Variants in CEMIP2 observed in about 807,000 individuals in gnomAD.
CEMIP2 encodes cell surface hyaluronidase CEMIP2.
A neutral mutation model predicts 146.9 loss-of-function variants in CEMIP2; 79 were observed. That is an observed-to-expected ratio of 0.54 (90% CI 0.45 to 0.65). The LOEUF (loss-of-function observed/expected upper bound fraction) is 0.65, where lower values mean the gene tolerates loss of function less well. CEMIP2 is among the 30% of genes least tolerant of loss of function. The pLI is 0.00. For synonymous variants in CEMIP2, 601 were observed against 606.3 expected, an observed-to-expected ratio of 0.99 and a Z score of 0.13; for missense variants, 1,596 against 1,696.2, an observed-to-expected ratio of 0.94 and a Z score of 1.04.
At position 71,715,096 on chromosome 9, in the gene CEMIP2, A is replaced by C; in HGVS notation, c.2436-7T>G. ...ACTTGGGAAGCTTCCATCACTGTTA[A>C]AATGCGAACAATCATTAGCTACATT... On this transcript the variant is annotated splice_region_variant and splice_polypyrimidine_tract_variant and intron_variant, in intron 14 of 23. Transcript: ENST00000377044. 1 of 1,612,890 alleles carries C rather than the reference A, an allele frequency of 6.2e-7. No homozygotes were observed. Among genetic ancestry groups the C allele is most frequent in the Non-Finnish European group, 8.5e-7 (1 of 1,179,562 alleles).
At position 71,750,205 on chromosome 9, in the gene CEMIP2, G is replaced by A. The variant is rs370486585; in HGVS notation, c.169C>T (p.Arg57Trp). ...TCAGGTGAGAATGCGAAGGTTGCCC[G>A]GTCTTCTCGTCTGATGGAGGTAAAT... Reference protein sequence around the residue: ...AKFTSIRREDRATFAFSPEEQ... With the variant: ...AKFTSIRREDWATFAFSPEEQ... The change falls in exon 2 of 24, where the codon CGG (arginine) becomes TGG (tryptophan). Residue 57 changes from arginine to tryptophan, a missense_variant. Transcript: ENST00000377044. The A allele has an allele frequency of 6.2e-5, 100 of 1,613,876 alleles. No homozygotes were observed. Among genetic ancestry groups the A allele is most frequent in the Non-Finnish European group, 7.9e-5 (93 of 1,180,002 alleles).
At position 71,722,494 on chromosome 9, in the gene CEMIP2, C is replaced by T. The variant is rs548154905; in HGVS notation, c.2200G>A (p.Gly734Ser). ...GCACTAGAGTTGGTTGTTTTGACAC[C>T]TTTGTCAATAAATAAGCCAGCCTGA... is the stretch of plus-strand genomic sequence containing the variant. ...NFKAGLFIDK[G>S]VKTTNSSAAD... Residue 734 changes from glycine (G) to serine (S), a missense_variant, in exon 12 of 24, where the codon GGT becomes AGT. Coordinates refer to ENST00000377044, the MANE Select transcript of CEMIP2 (RefSeq NM_013390.3). 13 of 1,613,122 alleles carry T rather than the reference C, an allele frequency of 8.1e-6. No homozygotes were observed. The Admixed American group carries it at 1.8e-4, about 23-fold the overall frequency.
At chr9:71,740,594 T>C (rs1309122118) in intron 4 of CEMIP2, among the ~76,000 whole-genome samples, 1 of 152,226 alleles carries the variant, frequency 6.6e-6, no homozygotes, top group African/African-American at 2.4e-5. Context: ...TTTTAAACTT[T>C]CTATTAATAC....
At chr9:71,740,887 G>A (rs1337732790) in intron 4 of CEMIP2, among the ~76,000 whole-genome samples, 1 of 152,194 alleles carries the variant, frequency 6.6e-6, no homozygotes, top group African/African-American at 2.4e-5. Context: ...CAGAAGAAAG[G>A]AAGGGCATGC....
At chr9:71,728,244 T>TAC (rs1823463879) in intron 10 of CEMIP2, among the ~76,000 whole-genome samples, 1 of 46,844 alleles carries the variant, frequency 2.1e-5, no homozygotes, top group Non-Finnish European at 4.9e-5. Flanking sequence ...TATATATATA[T>TAC]ATATATGTAT....
chr9:71,699,382 G>T (rs751252001), intron 19 of CEMIP2: 2 of 450,564 alleles, frequency 4.4e-6, no homozygotes, highest in South Asian at 3.1e-5. Flanking sequence ...GGAGATCAAG[G>T]CTGTAGTGTA....
intron 21 of CEMIP2, among the ~76,000 whole-genome samples, chr9:71,691,454 G>A (rs1822226911): frequency 6.8e-6 from 1 of 147,512 alleles, no homozygotes; most frequent in African/African-American, 2.6e-5. Context: ...AAGCCCTTTA[G>A]CTAATTGCAC....
chr9:71,712,077 AC>A lies in CEMIP2; in HGVS notation c.2769+5del. 6.2e-7 allele frequency: 1 copy of A among 1,613,392 alleles called. No individual in the cohort carries two copies. The highest frequency in any genetic ancestry group is 8.5e-7 in the Non-Finnish European group (1 of 1,179,726). ...TCACTACGTAAGAACTACAGAACATACTTACATGTGGACCAAACTTCACGAG... is the reference window on the plus strand; with the variant it reads ...TCACTACGTAAGAACTACAGAACATATTACATGTGGACCAAACTTCACGAG... On this transcript the variant is annotated splice_donor_5th_base_variant and intron_variant, in intron 16 of 23. Transcript: ENST00000377044.
chr9:71,704,853 G>A (rs1438483558), intron 17 of CEMIP2, 50 bp from the exon 18 acceptor site: 1 of 1,555,104 alleles, frequency 6.4e-7, no homozygotes, highest in South Asian at 1.1e-5. Context: ...AATTTAAACA[G>A]CTAAAAAGAC....
Position 71,697,990 on chromosome 9 carries a change from G to T in CEMIP2, c.3592C>A (p.Arg1198=). 6.2e-7 allele frequency: 1 copy of T among 1,613,158 alleles called. No individual in the cohort carries two copies. Among genetic ancestry groups the T allele is most frequent in the East Asian group, 2.2e-5 (1 of 44,876 alleles). The change falls in exon 20 of 24, where the codon CGG becomes AGG. Residue 1198 remains arginine (R), a synonymous_variant. Coordinates refer to ENST00000377044, the MANE Select transcript of CEMIP2 (RefSeq NM_013390.3). ...CACTTTTCATCCTTGTTTACCTGCC[G>T]AGTGCCACAGCCTTGACAGAGTCCA... ...LTGLCQGCGT[R]QVVFTSDPHK...
At chr9:71,700,537 C>A (rs1356827426) in intron 19 of CEMIP2, 105 bp downstream of exon 19, 1 of 1,156,082 alleles carries the variant, frequency 8.6e-7, no homozygotes, top group African/African-American at 1.6e-5. Flanking sequence ...CAGAGAATTA[C>A]CCACATCAGC....
At chr9:71,727,729 C>T (rs1233617758) in intron 10 of CEMIP2, among the ~76,000 whole-genome samples, 2 of 152,184 alleles carry the variant, frequency 1.3e-5, no homozygotes, top group Non-Finnish European at 2.9e-5. Flanking sequence ...TTGCAGTCTT[C>T]AACACAGTTA....
chr9:71,750,134 T>C lies in CEMIP2; in HGVS notation c.240A>G (p.Lys80=). The part of the protein sequence containing the change: ...QRESQKQKRH[K]NTFICFAITS... The stretch of plus-strand genomic sequence containing the variant: ...TAATAGCAAAACAAATGAAAGTATT[T>C]TTGTGTCTCTTTTGCTTTTGACTTT... The change falls in exon 2 of 24, where the codon AAA becomes AAG. Residue 80 remains lysine, a synonymous_variant. Coordinates refer to ENST00000377044, the MANE Select transcript of CEMIP2 (RefSeq NM_013390.3). 6.2e-7 allele frequency: 1 copy of C among 1,613,964 alleles called. No individual in the cohort carries two copies. Among genetic ancestry groups the C allele is most frequent in the African/African-American group, 1.3e-5 (1 of 75,032 alleles).
intron 12 of CEMIP2, among the ~76,000 whole-genome samples, chr9:71,720,372 C>A (rs1443932979): frequency 6.6e-6 from 1 of 152,166 alleles, no homozygotes; most frequent in Non-Finnish European, 1.5e-5. Flanking sequence ...CTCACTGCAA[C>A]CTCCACCTCC....
chr9:71,730,071 A>T lies in CEMIP2; in HGVS notation c.1956T>A (p.Ile652=). The change falls in exon 9 of 24, where the codon ATT becomes ATA. Residue 652 remains isoleucine, a synonymous_variant. Coordinates refer to ENST00000377044, the MANE Select transcript of CEMIP2 (RefSeq NM_013390.3). ...ACATACAGTCAGTAGCAGGCACAGG[A>T]ATGTAATTTCCAAACACTTTATCTC... ...TMRDKVFGNY[I]PVPATDCMAV... is the part of the protein sequence containing the mutation. 1 of 1,614,182 alleles carries T rather than the reference A, an allele frequency of 6.2e-7. No individual in the cohort carries two copies. The highest frequency in any genetic ancestry group is 8.5e-7 in the Non-Finnish European group (1 of 1,180,046).
chr9:71,700,113 C>A (rs986336037), intron 19 of CEMIP2, among the ~76,000 whole-genome samples: 5 of 152,162 alleles, frequency 3.3e-5, no homozygotes, highest in African/African-American at 9.7e-5. Flanking sequence ...GGCTGAGAGA[C>A]TGTAACTGGG....
Position 71,684,945 on chromosome 9 carries a change from G to A in CEMIP2, c.*252C>T. ...TCATTACAAAATACGGGGGTGGAAAGTGAGGAATAAGAGATCTGCTCTCTG... is the reference window on the plus strand; with the variant it reads ...TCATTACAAAATACGGGGGTGGAAAATGAGGAATAAGAGATCTGCTCTCTG... On this transcript the variant is annotated 3_prime_UTR_variant, in exon 24 of 24. Transcript: ENST00000377044. 2.4e-6 allele frequency: 1 copy of A among 415,098 alleles called. No individual in the cohort carries two copies. The highest frequency in any genetic ancestry group is 2.0e-5 in the African/African-American group (1 of 49,162). 25.7% of individuals were successfully genotyped at this position (415,098 alleles called of 1,614,324 possible).
intron 18 of CEMIP2, among the ~76,000 whole-genome samples, chr9:71,702,395 G>A (rs1376552255): frequency 2.0e-5 from 3 of 149,692 alleles, no homozygotes; most frequent in Non-Finnish European, 4.5e-5. Flanking sequence ...ATAGCAAAAT[G>A]CGGGGGGGCG....
Position 71,704,753 on chromosome 9 carries a change from T to G in CEMIP2, c.3036A>C (p.Arg1012=). Residue 1012 remains arginine (R), a synonymous_variant, in exon 18 of 24, where the codon CGA becomes CGC. Coordinates refer to ENST00000377044, the MANE Select transcript of CEMIP2 (RefSeq NM_013390.3). The part of the protein sequence containing the change: ...STQNLSMTIT[R]DEYPSNPMVL... ...CCATAGGGTTGGACGGATACTCATC[T>G]CGTGTAATGGTCATAGAAAGATTCT... 6.2e-7 allele frequency: 1 copy of G among 1,614,178 alleles called. No individual in the cohort carries two copies. Among genetic ancestry groups the G allele is most frequent in the Non-Finnish European group, 8.5e-7 (1 of 1,180,032 alleles).
Sources: allele counts gnomAD v4.1 joint callset (sites outside exome capture counted in the v4.1 genomes callset), GRCh38; gene constraint gnomAD v4.1.1; transcripts MANE v1.5; gene names NCBI Gene and HGNC (gene_info 2026-07-23, HGNC 2026-07-21).